Variants in TWF2 observed in about 807,000 individuals in gnomAD.
TWF2 encodes the protein twinfilin actin binding protein 2, also known as twinfilin-2.
In TWF2, 15 loss-of-function variants were observed where a neutral mutation model predicts 45.1. The ratio of observed to expected loss-of-function variants is 0.33; its 90% confidence interval spans 0.22 to 0.51. TWF2 has a LOEUF of 0.51. Ranked by LOEUF, TWF2 falls within the 20% of genes least tolerant of loss-of-function variation. The pLI is 0.97. For missense variants in TWF2, 423 were observed against 469.1 expected (o/e 0.90, Z 0.91); for synonymous variants, 177 against 195.8 (o/e 0.90, Z 0.80).
In TWF2 at chr3:52,229,941, C is replaced by T. The variant is rs1173327930; in HGVS notation, c.739G>A (p.Gly247Ser). 1.2e-6 allele frequency: 2 copies of T among 1,612,814 alleles called. No individual in the cohort carries two copies. Among genetic ancestry groups the T allele is most frequent in the Admixed American group, 3.3e-5 (2 of 59,974 alleles). ...TCACCTACAGACTCAAGGGGGTCGCCCTCATGGGTGTGCTTGTAGAGGAAG... is the reference window on the plus strand; with the variant it reads ...TCACCTACAGACTCAAGGGGGTCGCTCTCATGGGTGTGCTTGTAGAGGAAG... ...HFFLYKHTHE[G>S]DPLESVVFIY... The change falls in exon 7 of 9, where the codon GGC (glycine) becomes AGC (serine). Residue 247 changes from glycine (G) to serine (S), a missense_variant. Transcript: ENST00000305533.
chr3:52,230,054 C>T lies in TWF2; in HGVS notation c.626G>A (p.Arg209Gln), dbSNP rs550294256. 20 of 1,595,572 alleles carry T rather than the reference C, an allele frequency of 1.3e-5. No homozygotes were observed. The highest frequency in any genetic ancestry group is 1.2e-4 in the African/African-American group (9 of 74,894). Residue 209 changes from arginine (R) to glutamine (Q), a missense_variant, in exon 7 of 9, where the codon CGG becomes CAG. Coordinates refer to ENST00000305533, the MANE Select transcript of TWF2 (RefSeq NM_007284.4). ...TGTGTGCACCAGCTCAATGGTTTCCCGCTCTAGGTCCAGCTTCTGCCCAGG... is the reference window on the plus strand; with the variant it reads ...TGTGTGCACCAGCTCAATGGTTTCCTGCTCTAGGTCCAGCTTCTGCCCAGG... ...NYIQMKLDLE[R>Q]ETIELVHTEP...
Position 52,229,187 on chromosome 3 carries a change from A to G in TWF2, c.897T>C (p.Asp299=), listed in dbSNP as rs749526516. ...LEIAKKIEIG[D]GAELTAEFLY... The stretch of plus-strand genomic sequence containing the variant: ...GGAACTCTGCCGTCAGCTCTGCCCC[A>G]TCGCCAATCTCAATCTGCATGGGGC... Residue 299 remains aspartate (D), a synonymous_variant, in exon 9 of 9, where the codon GAT becomes GAC. Transcript: ENST00000305533. 1.9e-6 allele frequency: 3 copies of G among 1,611,554 alleles called. No individual in the cohort carries two copies. The highest frequency in any genetic ancestry group is 4.5e-5 in the East Asian group (2 of 44,866).
At position 52,231,974 on chromosome 3, in the gene TWF2, G is replaced by T; in HGVS notation, c.252C>A (p.Leu84=). 6.2e-7 allele frequency: 1 copy of T among 1,614,026 alleles called. No individual in the cohort carries two copies. Among genetic ancestry groups the T allele is most frequent in the Non-Finnish European group, 8.5e-7 (1 of 1,179,938 alleles). The change falls in exon 3 of 9, where the codon CTC becomes CTA. Residue 84 remains leucine, a synonymous_variant. Transcript: ENST00000305533. ...DSQNAQGFEW[L]FLAWSPDNSP... ...AGTTATCAGGCGACCAGGCGAGGAA[G>T]AGCCATTCGAAGCCCTGAGCATTCT...
intron 2 of TWF2, 99 bp from the exon 3 acceptor site, chr3:52,232,221 C>T (rs371400074): frequency 1.4e-6 from 2 of 1,380,814 alleles, no homozygotes; most frequent in South Asian, 1.5e-5. Context: ...GGCTCAGAGC[C>T]GCCGGCTGCC....
chr3:52,231,533 GC>G lies in TWF2; in HGVS notation c.288del (p.Leu97Ter). On this transcript the variant is annotated frameshift_variant, in exon 4 of 9. Transcript: ENST00000305533. LOFTEE classifies it high-confidence loss of function. ...LAWSPDNSPV[R>X]LKMLYAATRA... The stretch of plus-strand genomic sequence containing the variant: ...CGCGTGGCCGCGTACAGCATCTTCA[GC>G]CGCACCTGAAGGGCAAGGGCCAAAC... The G allele has an allele frequency of 6.2e-7, 1 of 1,612,864 alleles. No homozygotes were observed. The highest frequency in any genetic ancestry group is 8.5e-7 in the Non-Finnish European group (1 of 1,179,732).
At chr3:52,233,854 C>T (rs1247489360) in intron 2 of TWF2, among the ~76,000 whole-genome samples, 1 of 140,424 alleles carries the variant, frequency 7.1e-6, no homozygotes, top group Non-Finnish European at 1.5e-5. Flanking sequence ...GCGGAGCTTG[C>T]AGTAAGCTGA....
intron 4 of TWF2, 30 bp from the exon 5 acceptor site, chr3:52,231,261 T>C (rs1699675009): frequency 6.2e-7 from 1 of 1,612,182 alleles, no homozygotes; most frequent in African/African-American, 1.3e-5. Context: ...TGCAGAGCCA[T>C]AAATGGGCAC....
At chr3:52,238,144 G>A (rs1699744411) in intron 1 of TWF2, among the ~76,000 whole-genome samples, 1 of 152,166 alleles carries the variant, frequency 6.6e-6, no homozygotes, top group African/African-American at 2.4e-5. Flanking sequence ...CTGGGGGTGG[G>A]AGCTGGCCTG....
Position 52,239,124 on chromosome 3 carries a change from C to CCT in TWF2, c.-110_-109dup. The CCT allele has an allele frequency of 7.6e-7, 1 of 1,313,356 alleles. No individual in the cohort carries two copies. 81.4% of individuals were successfully genotyped at this position (1,313,356 alleles called of 1,614,324 possible). On this transcript the variant is annotated 5_prime_UTR_variant, in exon 1 of 9. Coordinates refer to ENST00000305533, the MANE Select transcript of TWF2 (RefSeq NM_007284.4). ...GGAGGATGTGGCGGAGGCTGTCGAC[C>CCT]CTCGCGCAGCTTCCCGGGCGGTGCC...
chr3:52,238,923 G>A (rs1221660132), intron 1 of TWF2, 69 bp downstream of exon 1: 4 of 1,414,958 alleles, frequency 2.8e-6, no homozygotes, highest in Middle Eastern at 2.2e-4. Flanking sequence ...GGGAGGGGCC[G>A]AGAGCCGGGG....
chr3:52,229,059 G>A lies in TWF2; in HGVS notation c.1025C>T (p.Pro342Leu), dbSNP rs765914663. The A allele has an allele frequency of 9.3e-6, 15 of 1,612,144 alleles. No homozygotes were observed. The highest frequency in any genetic ancestry group is 2.2e-5 in the East Asian group (1 of 44,886). Residue 342 changes from proline (P) to leucine (L), a missense_variant, in exon 9 of 9, where the codon CCG (proline) becomes CTG (leucine). Pro to Leu is a moderately conservative substitution (Grantham distance 98). Transcript: ENST00000305533. ...CTAGCTGTCATCCCCATTTTCACCC[G>A]GGCCGCGGATGAGGCGCTTATGGCC... ...KRGHKRLIRGPGENGDDS is the reference protein window; with the variant it reads ...KRGHKRLIRGLGENGDDS
intron 1 of TWF2, among the ~76,000 whole-genome samples, chr3:52,238,483 G>T (rs1341350435): frequency 2.0e-5 from 3 of 152,116 alleles, no homozygotes; most frequent in South Asian, 4.1e-4. Flanking sequence ...ACTGAGACGC[G>T]CTCCAACTGT....
chr3:52,231,295 C>A, intron 4 of TWF2, 64 bp from the exon 5 acceptor site: 1 of 1,593,950 alleles, frequency 6.3e-7, no homozygotes, highest in Non-Finnish European at 8.6e-7. Context: ...AGAGGAGGCC[C>A]ACGGAGCACG....
Position 52,231,191 on chromosome 3 carries a change from G to T in TWF2, c.419C>A (p.Ser140Tyr). The T allele has an allele frequency of 6.2e-7, 1 of 1,614,080 alleles. No individual in the cohort carries two copies. Among genetic ancestry groups the T allele is most frequent in the Admixed American group, 1.7e-5 (1 of 60,014 alleles). The part of the protein sequence containing the change: ...SFAGYQKHLS[S>Y]CAAPAPLTSA... ...GGTCAGCGGGGCAGGTGCCGCACAG[G>T]ACGACAGGTGTTTCTGGTACCCAGC... Residue 140 changes from serine (S) to tyrosine (Y), a missense_variant, in exon 5 of 9, where the codon TCC becomes TAC. By Grantham distance (144) the Ser-to-Tyr change is moderately radical. Transcript: ENST00000305533.
rs1302163698 is a variant in TWF2, at chr3:52,228,988, G to T, written c.*46C>A. Reference sequence around the variant, plus strand: ...GGAGGATGGTGGCAGGGAGCGGAAGGTGGGCAGCCCCACAGTCCACACGTG... The same window carrying T: ...GGAGGATGGTGGCAGGGAGCGGAAGTTGGGCAGCCCCACAGTCCACACGTG... On this transcript the variant is annotated 3_prime_UTR_variant, in exon 9 of 9. Coordinates refer to ENST00000305533, the MANE Select transcript of TWF2 (RefSeq NM_007284.4). The T allele has an allele frequency of 1.9e-6, 3 of 1,579,130 alleles. No individual in the cohort carries two copies. Among genetic ancestry groups the T allele is most frequent in the Non-Finnish European group, 2.6e-6 (3 of 1,160,982 alleles).
In TWF2 at chr3:52,231,008, G is replaced by T; in HGVS notation, c.484-13C>A. The T allele has an allele frequency of 2.5e-6, 4 of 1,609,246 alleles. No homozygotes were observed. Among genetic ancestry groups the T allele is most frequent in the Non-Finnish European group, 3.4e-6 (4 of 1,177,748 alleles). ...TCTCTGTCTTCACCTGTGGGTAGGG[G>T]AATGGTGAGGGAGGCCCTCACCGGC... On this transcript the variant is annotated splice_polypyrimidine_tract_variant and intron_variant, in intron 5 of 8. Transcript: ENST00000305533.
rs1219440325 is a variant in TWF2, at chr3:52,231,331, C to G, written c.379-100G>C. Reference sequence around the variant, plus strand: ...CCAGCTTGCAGCCCTTGGACTCCCCCAGCGCCCCCATCTTCCTCCCGAAGC... The same window carrying G: ...CCAGCTTGCAGCCCTTGGACTCCCCGAGCGCCCCCATCTTCCTCCCGAAGC... On this transcript the variant is annotated intron_variant, in intron 4 of 8. Transcript: ENST00000305533. The G allele has an allele frequency of 9.6e-6, 15 of 1,569,314 alleles. No individual in the cohort carries two copies. The Admixed American group carries it at 1.5e-4, about 16-fold the overall frequency.
chr3:52,237,207 C>G (rs1368365405), intron 1 of TWF2, among the ~76,000 whole-genome samples: 1 of 152,154 alleles, frequency 6.6e-6, no homozygotes, highest in Non-Finnish European at 1.5e-5. Context: ...AAAGGCACAT[C>G]CCTGCCCACC....
At position 52,229,571 on chromosome 3, in the gene TWF2, T is replaced by C. The variant is rs1037901690; in HGVS notation, c.882+90A>G. On this transcript the variant is annotated intron_variant, in intron 8 of 8. Transcript: ENST00000305533. The stretch of plus-strand genomic sequence containing the variant: ...TGATCAACACGACAGCAACGATTCC[T>C]GCTCTGCCGTCATCTCAGGACCCCA... 5 of 1,551,946 alleles carry C rather than the reference T, an allele frequency of 3.2e-6. No individual in the cohort carries two copies. The Admixed American group carries it at 5.5e-5, about 17-fold the overall frequency.
Sources: gnomAD v4.1 joint callset for allele counts (sites outside exome capture counted in the v4.1 genomes callset) on GRCh38, gnomAD v4.1.1 for gene constraint, MANE v1.5 for transcripts, NCBI Gene and HGNC (gene_info 2026-07-23, HGNC 2026-07-21) for gene names.